Variants in ULK4 observed in about 807,000 individuals in gnomAD.
The protein encoded by ULK4 is inactive serine/threonine-protein kinase ULK4.
ULK4 carries 133 observed loss-of-function variants against 160.6 expected under a neutral mutation model. The ratio of observed to expected loss-of-function variants is 0.83; its 90% CI spans 0.72 to 0.96. The LOEUF (loss-of-function observed/expected upper bound fraction) is 0.96, where lower values mean the gene tolerates loss of function less well. Ranked by LOEUF, ULK4 falls within the 40% of genes least tolerant of loss-of-function variation. ULK4 has a pLI of 0.00. For synonymous variants in ULK4, 534 were observed against 539.8 expected (o/e 0.99, Z 0.15); for missense variants, 1,580 against 1,499.5 (o/e 1.05, Z -0.89).
chr3:41,651,157 G>A (rs1266025433), intron 30 of ULK4, among the ~76,000 whole-genome samples: 1 of 152,086 alleles, frequency 6.6e-6, no homozygotes, highest in Non-Finnish European at 1.5e-5. Context: ...GTAATCCTCT[G>A]TCCTCATCAT....
intron 32 of ULK4, among the ~76,000 whole-genome samples, chr3:41,506,767 A>AAAAAAAAAAAAATATATATAAAAAT: frequency 1.8e-5 from 1 of 56,766 alleles, no homozygotes; most frequent in Admixed American, 2.2e-4. Flanking sequence ...TGTGATTTAA[A>AAAAAAAAAAAAATATATATAAAAAT]ATATATATAT....
chr3:41,780,147 A>C (rs1376373826), intron 21 of ULK4, among the ~76,000 whole-genome samples: 3 of 151,610 alleles, frequency 2.0e-5, no homozygotes, highest in Non-Finnish European at 4.4e-5. Flanking sequence ...CCCAGTCTCT[A>C]CCGAAAATAC....
intron 35 of ULK4, among the ~76,000 whole-genome samples, chr3:41,346,398 C>G (rs1320509141): frequency 1.3e-5 from 2 of 152,142 alleles, no homozygotes; most frequent in Non-Finnish European, 2.9e-5. Flanking sequence ...CCTAGGTTTC[C>G]TCTTCAACAA....
intron 33 of ULK4, among the ~76,000 whole-genome samples, chr3:41,460,882 G>A: frequency 6.6e-6 from 1 of 152,106 alleles, no homozygotes; most frequent in Non-Finnish European, 1.5e-5. Context: ...TGAGGAAACT[G>A]ATACTTAGGT....
chr3:41,550,287 C>T (rs2087011261), intron 32 of ULK4, among the ~76,000 whole-genome samples: 1 of 151,958 alleles, frequency 6.6e-6, no homozygotes, highest in Admixed American at 6.6e-5. Context: ...AAGTCCTTAC[C>T]TATCAATAAT....
At chr3:41,609,590 T>C (rs13068312) in intron 31 of ULK4, among the ~76,000 whole-genome samples, 37,323 of 152,144 alleles carry the variant, frequency 0.25, 4,806 homozygotes, top group Admixed American at 0.29. Flanking sequence ...TGGGTATAGA[T>C]GTAGATTTAT....
intron 35 of ULK4, among the ~76,000 whole-genome samples, chr3:41,352,780 G>C (rs1330471891): frequency 3.3e-5 from 5 of 152,170 alleles, no homozygotes; most frequent in African/African-American, 1.2e-4. Flanking sequence ...AGCCCAAACA[G>C]GAGAGTGCGT....
chr3:41,738,209 T>A (rs1368909074), intron 22 of ULK4, among the ~76,000 whole-genome samples: 1 of 152,090 alleles, frequency 6.6e-6, no homozygotes, highest in Admixed American at 6.5e-5. Context: ...TCTTGAAGAA[T>A]GACAGCAGAT....
At chr3:41,272,354 T>A (rs1220310085) in intron 35 of ULK4, among the ~76,000 whole-genome samples, 1 of 149,628 alleles carries the variant, frequency 6.7e-6, no homozygotes, top group Middle Eastern at 3.4e-3. Flanking sequence ...TTTTTTTTTT[T>A]TTTTTTTTTT....
intron 22 of ULK4, among the ~76,000 whole-genome samples, chr3:41,751,541 G>A (rs1376392607): frequency 2.0e-5 from 3 of 152,156 alleles, no homozygotes; most frequent in African/African-American, 7.2e-5. Flanking sequence ...GAAGAGTGGA[G>A]GTCAGTGTCA....
intron 35 of ULK4, among the ~76,000 whole-genome samples, chr3:41,254,711 G>C (rs1307729603): frequency 6.6e-6 from 1 of 151,782 alleles, no homozygotes; most frequent in Non-Finnish European, 1.5e-5. Flanking sequence ...GTGAAACCCT[G>C]TCTCTACTAA....
At chr3:41,473,053 T>C (rs1342059185) in intron 32 of ULK4, among the ~76,000 whole-genome samples, 1 of 152,172 alleles carries the variant, frequency 6.6e-6, no homozygotes, top group Non-Finnish European at 1.5e-5. Flanking sequence ...AAATTCAACA[T>C]CTTTTCATGA....
chr3:41,921,739 T>C (rs1283069141), intron 5 of ULK4, among the ~76,000 whole-genome samples: 2 of 152,212 alleles, frequency 1.3e-5, no homozygotes, highest in Admixed American at 6.5e-5. Flanking sequence ...TATTATTACA[T>C]GGTAAGTTAA....
chr3:41,682,970 T>C (rs137923300), intron 27 of ULK4, among the ~76,000 whole-genome samples: 356 of 152,000 alleles, frequency 2.3e-3, no homozygotes, highest in African/African-American at 8.2e-3. Flanking sequence ...CGAATAAACA[T>C]GGCCAAAAAA....
intron 35 of ULK4, among the ~76,000 whole-genome samples, chr3:41,266,712 A>G (rs2079041013): frequency 6.6e-6 from 1 of 152,158 alleles, no homozygotes; most frequent in Non-Finnish European, 1.5e-5. Context: ...TTCAAATTCA[A>G]AGGTATTCTT....
Position 41,378,768 on chromosome 3 carries a change from C to G in ULK4, c.3678+19311G>C, listed in dbSNP as rs545358365. Among the ~76,000 whole-genome samples, 4 of 150,766 alleles carry G rather than the reference C, an allele frequency of 2.7e-5. No individual in the cohort carries two copies. In the South Asian group the frequency reaches 8.4e-4, roughly 32 times the overall value. On this transcript the variant is annotated intron_variant, in intron 35 of 36. Transcript: ENST00000301831. ...CACGTTGTGCACATGTACCCTAGAA[C>G]TTAAAGTATAATAAATAAAATAAAA...
At chr3:41,854,799 C>T (rs2042295988) in intron 17 of ULK4, 1 of 151,898 alleles carries the variant, frequency 6.6e-6, no homozygotes, top group African/African-American at 2.4e-5. Context: ...TATCATGTGA[C>T]TGAGCACTGA....
At position 41,351,117 on chromosome 3, in the gene ULK4, A is replaced by C. The variant is rs140804551; in HGVS notation, c.3678+46962T>G. Among the ~76,000 whole-genome samples, 546 of 152,328 alleles carry C rather than the reference A, an allele frequency of 3.6e-3. 2 individuals carry two copies. The highest frequency in any genetic ancestry group is 6.2e-3 in the Non-Finnish European group (423 of 68,036). On this transcript the variant is annotated intron_variant, in intron 35 of 36. Coordinates refer to ENST00000301831, the MANE Select transcript of ULK4 (RefSeq NM_017886.4). ...AGCACGTAGGACGGAAGATAAGTCA[A>C]GTCTTGTAAGAGTCGTTTTCTGGAA...
At chr3:41,381,498 A>C (rs2081651106) in intron 35 of ULK4, among the ~76,000 whole-genome samples, 1 of 152,174 alleles carries the variant, frequency 6.6e-6, no homozygotes, top group Non-Finnish European at 1.5e-5. Flanking sequence ...TCTGCCCTCA[A>C]ATCAGCTCCT....
Sources: allele counts gnomAD v4.1 joint callset (sites outside exome capture counted in the v4.1 genomes callset), GRCh38; gene constraint gnomAD v4.1.1; transcripts MANE v1.5; gene names NCBI Gene and HGNC (gene_info 2026-07-23, HGNC 2026-07-21).